The following ADGRV1 variants were observed in gnomAD, a reference collection of about 807,000 sequenced individuals.
ADGRV1 encodes G-protein coupled receptor 98.
A neutral mutation model predicts 596.2 loss-of-function variants in ADGRV1; 359 were observed. The observed-to-expected ratio is 0.60, with a 90% CI of 0.55 to 0.66. The LOEUF (loss-of-function observed/expected upper bound fraction) is 0.66, where lower values mean the gene tolerates loss of function less well. Ranked by LOEUF, ADGRV1 falls within the 30% of genes least tolerant of loss-of-function variation. The pLI, the probability that ADGRV1 is intolerant of heterozygous loss-of-function variation, is 0.00. For synonymous variants in ADGRV1, 2,681 were observed against 2,679.2 expected (o/e 1.00, Z -0.02); for missense variants, 7,274 against 7,575.6 (o/e 0.96, Z 1.48).
intron 83 of ADGRV1, among the ~76,000 whole-genome samples, chr5:90,923,965 A>G (rs1307584179): frequency 1.3e-5 from 2 of 151,672 alleles, no homozygotes; most frequent in Non-Finnish European, 2.9e-5. Flanking sequence ...TGAACTCCTC[A>G]TTTTTTATGG....
intron 78 of ADGRV1, among the ~76,000 whole-genome samples, chr5:90,845,870 A>T (rs1765834121): frequency 6.6e-6 from 1 of 152,102 alleles, no homozygotes; most frequent in African/African-American, 2.4e-5. Context: ...GTTTCCATTT[A>T]TCATATTCAG....
At chr5:90,748,857 G>T (rs1045157121) in intron 52 of ADGRV1, among the ~76,000 whole-genome samples, 2 of 147,134 alleles carry the variant, frequency 1.4e-5, no homozygotes, top group South Asian at 2.1e-4. Context: ...GAGTATGAGA[G>T]CTGGTATACT....
At chr5:90,970,094 G>T (rs927928995) in intron 84 of ADGRV1, among the ~76,000 whole-genome samples, 1 of 152,258 alleles carries the variant, frequency 6.6e-6, no homozygotes, top group Non-Finnish European at 1.5e-5. Flanking sequence ...GCCTGGCTCG[G>T]AGGGTCCCAC....
At chr5:90,878,556 C>T (rs558271138) in intron 83 of ADGRV1, among the ~76,000 whole-genome samples, 3 of 152,340 alleles carry the variant, frequency 2.0e-5, no homozygotes, top group African/African-American at 7.2e-5. Context: ...ATTAAGATCT[C>T]ATTCCGAAGA....
At chr5:90,736,928 A>G (rs1371313383) in intron 50 of ADGRV1, among the ~76,000 whole-genome samples, 1 of 149,184 alleles carries the variant, frequency 6.7e-6, no homozygotes. Context: ...AGTTTTATTT[A>G]TTTTTTTCTA....
chr5:90,872,237 G>A (rs1412117638), intron 83 of ADGRV1, among the ~76,000 whole-genome samples: 2 of 152,030 alleles, frequency 1.3e-5, no homozygotes, highest in African/African-American at 4.8e-5. Flanking sequence ...GTTTCCGTTG[G>A]TCTGCATTAT....
chr5:90,970,994 G>T lies in ADGRV1; in HGVS notation c.17973+5463G>T, dbSNP rs1448732741. On this transcript the variant is annotated intron_variant, in intron 84 of 89. Transcript: ENST00000405460. Reference sequence around the variant, plus strand: ...CAAATGGCTAGCTACAATAACCAGTGTAGAGAAGTCCTTAAATGACCTGAT... The same window carrying T: ...CAAATGGCTAGCTACAATAACCAGTTTAGAGAAGTCCTTAAATGACCTGAT... Among the ~76,000 whole-genome samples, 3 of 152,302 alleles carry T rather than the reference G, an allele frequency of 2.0e-5. No individual in the cohort carries two copies. The East Asian group carries it at 5.8e-4, about 29-fold the overall frequency.
At position 91,000,668 on chromosome 5, in the gene ADGRV1, C is replaced by CTGTGTGTGTGTGTGTG. The variant is rs6149110; in HGVS notation, c.18152+15172_18152+15187dup. On this transcript the variant is annotated intron_variant, in intron 85 of 89. Transcript: ENST00000405460. ...TCCAGAGAAACAGAGCTTACAGGAT[C>CTGTGTGTGTGTGTGTG]TGTGTGTGTGTGTGTGTGTGTGTGT... Among the ~76,000 whole-genome samples the CTGTGTGTGTGTGTGTG allele has an allele frequency of 4.5e-3, 640 of 141,224 alleles. 7 individuals carry two copies. The highest frequency in any genetic ancestry group is 0.027 in the East Asian group (128 of 4,740). The allele number at this position is 141,224 out of a possible 152,430, so 92.6% of individuals were successfully genotyped here.
chr5:90,600,332 G>C (rs910355754), intron 1 of ADGRV1, among the ~76,000 whole-genome samples: 2 of 152,078 alleles, frequency 1.3e-5, no homozygotes, highest in African/African-American at 4.8e-5. Flanking sequence ...AGGCCTTGGG[G>C]TGTGATATTC....
chr5:90,777,904 G>T lies in ADGRV1; in HGVS notation c.12528-1G>T, dbSNP rs775274936. On this transcript the variant is annotated splice_acceptor_variant, in intron 61 of 89. Transcript: ENST00000405460. LOFTEE classifies it high-confidence loss of function. The stretch of plus-strand genomic sequence containing the variant: ...GGATATACATTTGTTTATTGTTGTA[G>T]CCTTGTTCGAGGCCCAGGGATTTTG... The T allele has an allele frequency of 1.9e-6, 3 of 1,608,904 alleles. No individual in the cohort carries two copies. Among genetic ancestry groups the T allele is most frequent in the Admixed American group, 3.3e-5 (2 of 59,784 alleles).
chr5:91,121,956 G>A (rs1221856509), intron 87 of ADGRV1, among the ~76,000 whole-genome samples: 1 of 151,458 alleles, frequency 6.6e-6, no homozygotes, highest in Non-Finnish European at 1.5e-5. Context: ...AGGTCAGTAT[G>A]GTTTAAAGAG....
intron 85 of ADGRV1, among the ~76,000 whole-genome samples, chr5:91,060,714 A>G (rs986112663): frequency 6.6e-6 from 1 of 152,226 alleles, no homozygotes; most frequent in Non-Finnish European, 1.5e-5. Context: ...GCAAATGTTA[A>G]TGTGACTAAA....
Position 90,697,101 on chromosome 5 carries a change from A to T in ADGRV1, c.8110A>T (p.Ile2704Phe), listed in dbSNP as rs376318779. 1.3e-4 allele frequency: 211 copies of T among 1,613,432 alleles called. 1 individual carries two copies. The Middle Eastern group carries it at 0.011, about 82-fold the overall frequency. Residue 2704 changes from isoleucine to phenylalanine, a missense_variant, in exon 34 of 90, where the codon ATT becomes TTT. Physicochemically the swap from Ile to Phe is conservative, Grantham distance 21. Transcript: ENST00000405460. ...TTTGGCCAATGACAATGTGGCAGGA[A>T]TTGTTAGCTTTCAGACAGCTTCCAG... ...NILANDNVAG[I>F]VSFQTASRSV... is the part of the protein sequence containing the mutation.
chr5:90,970,870 G>A (rs1160024229), intron 84 of ADGRV1, among the ~76,000 whole-genome samples: 1 of 152,170 alleles, frequency 6.6e-6, no homozygotes, highest in Non-Finnish European at 1.5e-5. Flanking sequence ...ACTTTGACAA[G>A]TTGAGAGAAG....
intron 78 of ADGRV1, among the ~76,000 whole-genome samples, chr5:90,846,144 G>A (rs1005810056): frequency 1.3e-5 from 2 of 152,160 alleles, no homozygotes; most frequent in Admixed American, 1.3e-4. Context: ...TTTCAAGGTT[G>A]TCATAAGTTC....
At chr5:90,615,906 TC>T (rs568509601) in intron 2 of ADGRV1, among the ~76,000 whole-genome samples, 15 of 152,102 alleles carry the variant, frequency 9.9e-5, no homozygotes, top group African/African-American at 3.6e-4. Context: ...TGATCATTCT[TC>T]CTTTTCATTG....
intron 67 of ADGRV1, among the ~76,000 whole-genome samples, chr5:90,785,837 G>A (rs1179646851): frequency 6.6e-6 from 1 of 152,208 alleles, no homozygotes; most frequent in Non-Finnish European, 1.5e-5. Context: ...ATGGAAGACA[G>A]TGTGGCGATT....
rs1442525483 is a variant in ADGRV1, at chr5:90,811,070, A to G, written c.15810A>G (p.Glu5270=). The G allele has an allele frequency of 1.9e-6, 3 of 1,613,986 alleles. No homozygotes were observed. Among genetic ancestry groups the G allele is most frequent in the Admixed American group, 1.7e-5 (1 of 60,024 alleles). Residue 5270 remains glutamate, a synonymous_variant, in exon 74 of 90, where the codon GAA becomes GAG. Coordinates refer to ENST00000405460, the MANE Select transcript of ADGRV1 (RefSeq NM_032119.4). ...TCGGTGAAAGATGTGCTCAGATGGA[A>G]CCAAATGCATTGCCCTTTCGTGGTA... The part of the protein sequence containing the change: ...KTFGERCAQM[E]PNALPFRGIY...
chr5:90,869,800 C>T (rs910916041), intron 83 of ADGRV1, among the ~76,000 whole-genome samples: 3 of 152,058 alleles, frequency 2.0e-5, no homozygotes, highest in Admixed American at 6.6e-5. Context: ...TCTCATTTTA[C>T]AGATTAGGAA....
Sources: allele counts gnomAD v4.1 joint callset (sites outside exome capture counted in the v4.1 genomes callset), GRCh38; gene constraint gnomAD v4.1.1; transcripts MANE v1.5; gene names NCBI Gene and HGNC (gene_info 2026-07-23, HGNC 2026-07-21).